Variants in BRD1 observed in about 807,000 individuals in gnomAD.
BRD1 encodes bromodomain containing 1, also known as bromodomain-containing protein 1.
A neutral mutation model predicts 107.7 loss-of-function variants in BRD1; 24 were observed. That is an observed-to-expected ratio of 0.22 (90% CI 0.16 to 0.31). The LOEUF is 0.31. BRD1 is among the 10% of genes least tolerant of loss of function. BRD1 has a pLI of 1.00. For missense variants in BRD1, 1,279 were observed against 1,638.6 expected, an observed-to-expected ratio of 0.78 and a Z score of 3.79; for synonymous variants, 744 against 686.1, an observed-to-expected ratio of 1.08 and a Z score of -1.32.
intron 8 of BRD1, among the ~76,000 whole-genome samples, chr22:49,785,602 A>T (rs1182422536): frequency 6.6e-6 from 1 of 152,250 alleles, no homozygotes; most frequent in African/African-American, 2.4e-5. Flanking sequence ...TCCTGAGTCA[A>T]GGACATCTAT....
intron 2 of BRD1, chr22:49,817,426 T>A (rs534256931): frequency 1.3e-5 from 2 of 154,532 alleles, no homozygotes; most frequent in Non-Finnish European, 2.9e-5. Context: ...CATCTTCCTA[T>A]GGAATACCAA....
Position 49,798,045 on chromosome 22 carries a change from C to G in BRD1, c.1858G>C (p.Gly620Arg), listed in dbSNP as rs553734468. Reference protein sequence around the residue: ...ATMRKRLEAQGYKNLHEFEED... With the variant: ...ATMRKRLEAQRYKNLHEFEED... ...TCAAACTCATGGAGGTTTTTATACC[C>G]TTGAGCTTCTAACCGTTTCCTCATT... is the stretch of plus-strand genomic sequence containing the variant. Residue 620 changes from glycine to arginine, a missense_variant, in exon 6 of 13, where the codon GGG becomes CGG. Gly to Arg is a moderately radical substitution (Grantham distance 125). Coordinates refer to ENST00000404760, the MANE Select transcript of BRD1 (RefSeq NM_001304808.3). 1 of 1,614,210 alleles carries G rather than the reference C, an allele frequency of 6.2e-7. No homozygotes were observed. The highest frequency in any genetic ancestry group is 2.2e-5 in the East Asian group (1 of 44,888).
In BRD1 at chr22:49,794,265, CT is replaced by C; in HGVS notation, c.2127del (p.Ala710ProfsTer9). ...DVDRLLDPAN[R>X]AHLGLEEQLR... ...AGCTGCTCCTCCAGGCCCAGGTGGG[CT>C]CTGTTGGCGGGGTCCAGCAACCTGT... On this transcript the variant is annotated frameshift_variant, in exon 7 of 13. Transcript: ENST00000404760. LOFTEE classifies it high-confidence loss of function. The C allele has an allele frequency of 6.2e-7, 1 of 1,613,000 alleles. No individual in the cohort carries two copies. The highest frequency in any genetic ancestry group is 8.5e-7 in the Non-Finnish European group (1 of 1,179,314).
rs374572699 is a variant in BRD1, at chr22:49,812,104, CT to C, written c.1368-7745del. On this transcript the variant is annotated intron_variant, in intron 2 of 12. Coordinates refer to ENST00000404760, the MANE Select transcript of BRD1 (RefSeq NM_001304808.3). ...CTATGGCAAGGAGCACAGTCTGCTC[CT>C]TTTTTTTTTTTTTTTTTTGAGACAG... Among the ~76,000 whole-genome samples, 726 of 123,484 alleles carry C rather than the reference CT, an allele frequency of 5.9e-3. 14 individuals are homozygous for C. Among genetic ancestry groups the C allele is most frequent in the African/African-American group, 7.6e-3 (226 of 29,620 alleles). 81.0% of individuals were successfully genotyped at this position (123,484 alleles called of 152,430 possible). A position where few individuals can be genotyped will look rare whatever the true frequency, so the allele number is the denominator to read the frequency against.
chr22:49,776,167 G>A lies in BRD1; in HGVS notation c.3122-8C>T. ...TGCTGCTCTGGCCGACTTCTGCGGAGAGGGGCGTCAGCAGGACACAGGCGT... is the reference window on the plus strand; with the variant it reads ...TGCTGCTCTGGCCGACTTCTGCGGAAAGGGGCGTCAGCAGGACACAGGCGT... On this transcript the variant is annotated splice_polypyrimidine_tract_variant and splice_region_variant and intron_variant, in intron 10 of 12. Transcript: ENST00000404760. The A allele has an allele frequency of 1.2e-6, 2 of 1,602,076 alleles. No individual in the cohort carries two copies. Among genetic ancestry groups the A allele is most frequent in the Non-Finnish European group, 8.5e-7 (1 of 1,179,106 alleles).
At chr22:49,818,374 T>C (rs769101049) in intron 2 of BRD1, 20 of 1,215,292 alleles carry the variant, frequency 1.6e-5, no homozygotes, top group Non-Finnish European at 2.1e-5. Context: ...TACTTTGCAT[T>C]CTGATGAACC....
intron 8 of BRD1, among the ~76,000 whole-genome samples, chr22:49,785,882 G>C (rs2147021918): frequency 6.6e-6 from 1 of 152,300 alleles, no homozygotes; most frequent in South Asian, 2.1e-4. Context: ...ACCTTTGACA[G>C]TGCCTGGTCT....
intron 2 of BRD1, among the ~76,000 whole-genome samples, chr22:49,820,081 G>C (rs2060036110): frequency 6.6e-6 from 1 of 151,848 alleles, no homozygotes; most frequent in Non-Finnish European, 1.5e-5. Context: ...AGTGAGCCAA[G>C]ATCACCGCAC....
At chr22:49,774,798 T>C (rs1374357678) in intron 12 of BRD1, among the ~76,000 whole-genome samples, 1 of 152,240 alleles carries the variant, frequency 6.6e-6, no homozygotes, top group African/African-American at 2.4e-5. Flanking sequence ...GGTGTGGGCC[T>C]CGCTCAAGGC....
At chr22:49,811,966 G>A (rs1381126498) in intron 2 of BRD1, among the ~76,000 whole-genome samples, 1 of 152,138 alleles carries the variant, frequency 6.6e-6, no homozygotes, top group Admixed American at 6.5e-5. Context: ...AAGATCTATA[G>A]TATTAACATA....
In BRD1 at chr22:49,777,142, C is replaced by T. The variant is rs759181892; in HGVS notation, c.3013G>A (p.Gly1005Arg). The change falls in exon 10 of 13, where the codon GGG (glycine) becomes AGG (arginine). Residue 1005 changes from glycine (G) to arginine (R), a missense_variant. Gly to Arg is a moderately radical substitution (Grantham distance 125). Transcript: ENST00000404760. ...CDSSFNAPKC[G>R]RGKPALVRRH... ...CGCACAAGAGCCGGTTTGCCCCGCCCACATTTGGGCGCATTAAAGCTTCGG... is the reference window on the plus strand; with the variant it reads ...CGCACAAGAGCCGGTTTGCCCCGCCTACATTTGGGCGCATTAAAGCTTCGG... The T allele has an allele frequency of 2.2e-5, 35 of 1,613,078 alleles. 1 individual carries two copies. The highest frequency in any genetic ancestry group is 2.8e-5 in the Non-Finnish European group (33 of 1,179,992).
chr22:49,777,622 C>T (rs1269433604), intron 9 of BRD1, 56 bp downstream of exon 9: 70 of 1,571,336 alleles, frequency 4.5e-5, no homozygotes, highest in Non-Finnish European at 5.7e-5. Context: ...GACAGCCAGG[C>T]GGGGCGGGCG....
At chr22:49,779,538 A>C (rs1237115127) in intron 8 of BRD1, among the ~76,000 whole-genome samples, 11 of 152,112 alleles carry the variant, frequency 7.2e-5, no homozygotes, top group Admixed American at 7.2e-4. Flanking sequence ...CGGTCATTTT[A>C]AGGCAGGAAC....
At chr22:49,814,230 C>T (rs555281770) in intron 2 of BRD1, among the ~76,000 whole-genome samples, 1 of 152,348 alleles carries the variant, frequency 6.6e-6, no homozygotes, top group East Asian at 1.9e-4. Flanking sequence ...AAAAGATACA[C>T]TCACCCACGG....
At chr22:49,786,078 CCT>C (rs974293790) in intron 8 of BRD1, among the ~76,000 whole-genome samples, 29 of 152,176 alleles carry the variant, frequency 1.9e-4, no homozygotes, top group African/African-American at 9.6e-5. Context: ...CCAGCCCCAC[CCT>C]CTCTCACTGC....
chr22:49,780,241 T>C (rs551316281), intron 8 of BRD1, among the ~76,000 whole-genome samples: 3 of 152,302 alleles, frequency 2.0e-5, no homozygotes, highest in Non-Finnish European at 4.4e-5. Flanking sequence ...TCCGTGTGCA[T>C]GGAGTGGGGC....
intron 2 of BRD1, among the ~76,000 whole-genome samples, chr22:49,813,941 G>C (rs992517604): frequency 1.3e-5 from 2 of 152,104 alleles, no homozygotes; most frequent in African/African-American, 4.8e-5. Flanking sequence ...ATGCCACATG[G>C]GGAAAGGGTG....
intron 2 of BRD1, among the ~76,000 whole-genome samples, chr22:49,818,952 A>G (rs2147361808): frequency 6.6e-6 from 1 of 152,226 alleles, no homozygotes; most frequent in South Asian, 2.1e-4. Context: ...TATGCTGGAG[A>G]GAGGAAGTGA....
chr22:49,801,651 C>A (rs1228221891), intron 3 of BRD1, among the ~76,000 whole-genome samples: 1 of 152,226 alleles, frequency 6.6e-6, no homozygotes, highest in Non-Finnish European at 1.5e-5. Context: ...CTTCGAGAAG[C>A]TGCCCCCTCT....
Sources: gnomAD v4.1 joint callset for allele counts (sites outside exome capture counted in the v4.1 genomes callset) on GRCh38, gnomAD v4.1.1 for gene constraint, MANE v1.5 for transcripts, NCBI Gene and HGNC (gene_info 2026-07-23, HGNC 2026-07-21) for gene names.